CERS6: variants seen among roughly 807,000 people sequenced by gnomAD.
The protein encoded by CERS6 is LAG1 homolog, ceramide synthase 6.
Under a neutral mutation model 56.8 loss-of-function variants are expected in CERS6, and 26 were observed. That is an observed-to-expected ratio of 0.46 (90% CI 0.34 to 0.63). CERS6 has a LOEUF of 0.63. Ranked by LOEUF, CERS6 falls within the 30% of genes least tolerant of loss-of-function variation. CERS6 has a pLI of 0.01. For synonymous variants in CERS6, 164 were observed against 173.3 expected (o/e 0.95, Z 0.42); for missense variants, 415 against 467.5 (o/e 0.89, Z 1.04).
intron 8 of CERS6, among the ~76,000 whole-genome samples, chr2:168,745,825 G>T (rs1403595909): frequency 6.6e-6 from 1 of 152,156 alleles, no homozygotes; most frequent in Non-Finnish European, 1.5e-5. Flanking sequence ...TCCCCAGCAG[G>T]CAGCCCCTCT....
chr2:168,725,206 A>C (rs375942350), intron 8 of CERS6, among the ~76,000 whole-genome samples: 142 of 152,338 alleles, frequency 9.3e-4, no homozygotes, highest in African/African-American at 3.3e-3. Flanking sequence ...AGGGCCCGCC[A>C]AGCCCACGCC....
chr2:168,533,049 A>G (rs1239917163), intron 1 of CERS6, among the ~76,000 whole-genome samples: 2 of 152,228 alleles, frequency 1.3e-5, no homozygotes, highest in East Asian at 3.8e-4. Flanking sequence ...TCTTAACCCT[A>G]AAAGGTTATT....
chr2:168,746,790 TATATATATATA>T lies in CERS6; in HGVS notation c.846-18801_846-18791del, dbSNP rs1684111977. Among the ~76,000 whole-genome samples, 13 of 85,264 alleles carry T rather than the reference TATATATATATA, an allele frequency of 1.5e-4. No individual in the cohort carries two copies. In the South Asian group the frequency reaches 4.8e-3, roughly 31 times the overall value. The allele number at this position is 85,264 out of a possible 152,430, so 55.9% of individuals were successfully genotyped here. A position where few individuals can be genotyped will look rare whatever the true frequency, so the allele number is the denominator to read the frequency against. ...AGGGTAAAGGGTATATATATATATA[TATATATATATA>T]TATATATATATATATATATAAAATC... On this transcript the variant is annotated intron_variant, in intron 8 of 9. Coordinates refer to ENST00000305747, the MANE Select transcript of CERS6 (RefSeq NM_203463.3).
chr2:168,566,228 G>A (rs1402690545), intron 3 of CERS6, among the ~76,000 whole-genome samples: 1 of 152,144 alleles, frequency 6.6e-6, no homozygotes, highest in Non-Finnish European at 1.5e-5. Context: ...TCTCCCATAT[G>A]TAATCTGAAA....
At chr2:168,551,300 C>A (rs1433462525) in intron 2 of CERS6, among the ~76,000 whole-genome samples, 2 of 152,130 alleles carry the variant, frequency 1.3e-5, no homozygotes, top group African/African-American at 4.8e-5. Flanking sequence ...GTCTCTCTCT[C>A]CTCCCCCATC....
chr2:168,691,958 T>A (rs141996704), intron 5 of CERS6, among the ~76,000 whole-genome samples: 56 of 152,282 alleles, frequency 3.7e-4, no homozygotes, highest in African/African-American at 1.2e-3. Context: ...GCGTGCACAG[T>A]CCTATGGGGA....
intron 1 of CERS6, among the ~76,000 whole-genome samples, chr2:168,512,015 T>G (rs757616861): frequency 6.6e-6 from 1 of 152,026 alleles, no homozygotes; most frequent in African/African-American, 2.4e-5. Flanking sequence ...GAAGGGGATT[T>G]GAATACATGC....
At chr2:168,684,853 C>T (rs540760041) in intron 4 of CERS6, among the ~76,000 whole-genome samples, 1 of 152,302 alleles carries the variant, frequency 6.6e-6, no homozygotes, top group Admixed American at 6.5e-5. Flanking sequence ...TCCTGTGGAA[C>T]TTAGACATTG....
chr2:168,632,496 TTTC>T (rs2105298149), intron 4 of CERS6, among the ~76,000 whole-genome samples: 1 of 152,318 alleles, frequency 6.6e-6, no homozygotes, highest in East Asian at 1.9e-4. Flanking sequence ...CTGCACTTAT[TTTC>T]ACTTAATAAG....
At chr2:168,760,764 T>G (rs1263881086) in intron 8 of CERS6, among the ~76,000 whole-genome samples, 1 of 128,538 alleles carries the variant, frequency 7.8e-6, no homozygotes, top group Non-Finnish European at 1.8e-5. Flanking sequence ...ATTTATTTAT[T>G]TATTTTTTTG....
At position 168,765,730 on chromosome 2, in the gene CERS6, A is replaced by C. The variant is rs750742526; in HGVS notation, c.984A>C (p.Lys328Asn). The C allele has an allele frequency of 6.2e-7, 1 of 1,612,688 alleles. No individual in the cohort carries two copies. Among genetic ancestry groups the C allele is most frequent in the Non-Finnish European group, 8.5e-7 (1 of 1,179,534 alleles). Reference sequence around the variant, plus strand: ...ACTTGATTGTGAAAATAGCTTGCAAAGCTGTTTCAAGAGGCAAGGTAAGCT... The same window carrying C: ...ACTTGATTGTGAAAATAGCTTGCAACGCTGTTTCAAGAGGCAAGGTAAGCT... ...WSYLIVKIAC[K>N]AVSRGKVSKD... Residue 328 changes from lysine (K) to asparagine (N), a missense_variant, in exon 9 of 10, where the codon AAA becomes AAC. Transcript: ENST00000305747.
rs1179920322 is a variant in CERS6 at position 168,572,431 on chromosome 2, C to G, written c.407+11109C>G. On this transcript the variant is annotated intron_variant, in intron 3 of 9. Transcript: ENST00000305747. The stretch of plus-strand genomic sequence containing the variant: ...AAGAGAAGTAAAGAGAGGTGGAATA[C>G]CTGACCCAACACCACACAGCTACTA... 5.3e-5 allele frequency among the ~76,000 whole-genome samples: 8 copies of G among 152,062 alleles called. No individual in the cohort carries two copies. The East Asian group carries it at 1.5e-3, about 29-fold the overall frequency.
At position 168,547,584 on chromosome 2, in the gene CERS6, T is replaced by C. The variant is rs753772713; in HGVS notation, c.171-12T>C. On this transcript the variant is annotated splice_polypyrimidine_tract_variant and intron_variant, in intron 1 of 9. Transcript: ENST00000305747. ...TTCTGACCTTCTACTTTTTTCTTTTTGTAATTTTTAGATTTGTAGCCAAAC... is the reference window on the plus strand; with the variant it reads ...TTCTGACCTTCTACTTTTTTCTTTTCGTAATTTTTAGATTTGTAGCCAAAC... 6.3e-7 allele frequency: 1 copy of C among 1,579,948 alleles called. No individual in the cohort carries two copies. The highest frequency in any genetic ancestry group is 8.7e-7 in the Non-Finnish European group (1 of 1,154,404).
chr2:168,468,123 A>T (rs1244781695), intron 1 of CERS6, among the ~76,000 whole-genome samples: 3 of 152,100 alleles, frequency 2.0e-5, no homozygotes, highest in Admixed American at 1.3e-4. Flanking sequence ...ACCATTTCTA[A>T]TGGTGGAGTG....
intron 8 of CERS6, among the ~76,000 whole-genome samples, chr2:168,742,485 A>G (rs985824846): frequency 2.0e-5 from 3 of 152,170 alleles, no homozygotes; most frequent in Non-Finnish European, 4.4e-5. Flanking sequence ...TGGAATGGGA[A>G]TCCTCCATTA....
At chr2:168,637,329 A>G (rs1018149185) in intron 4 of CERS6, among the ~76,000 whole-genome samples, 1 of 152,132 alleles carries the variant, frequency 6.6e-6, no homozygotes, top group Admixed American at 6.5e-5. Context: ...TACAGAAAAA[A>G]AAAGTAGCCA....
At chr2:168,692,061 A>G (rs1229588365) in intron 5 of CERS6, among the ~76,000 whole-genome samples, 2 of 152,166 alleles carry the variant, frequency 1.3e-5, no homozygotes, top group Non-Finnish European at 2.9e-5. Flanking sequence ...TTCAACGTTA[A>G]GGACACATTG....
At chr2:168,486,413 T>A (rs1694274655) in intron 1 of CERS6, among the ~76,000 whole-genome samples, 2 of 152,094 alleles carry the variant, frequency 1.3e-5, no homozygotes, top group African/African-American at 2.4e-5. Flanking sequence ...AAACTCAGGA[T>A]CATGTAGATT....
At chr2:168,610,778 T>C (rs532655916) in intron 3 of CERS6, among the ~76,000 whole-genome samples, 26 of 152,250 alleles carry the variant, frequency 1.7e-4, no homozygotes, top group Admixed American at 9.2e-4. Context: ...GAATCTAGCC[T>C]GCACGATTTG....
Sources: allele counts gnomAD v4.1 joint callset (sites outside exome capture counted in the v4.1 genomes callset), GRCh38; gene constraint gnomAD v4.1.1; transcripts MANE v1.5; gene names NCBI Gene and HGNC (gene_info 2026-07-23, HGNC 2026-07-21).